Variants in OIT3 observed in about 807,000 individuals in gnomAD.
The protein encoded by OIT3 is oncoprotein-induced transcript 3 protein.
A neutral mutation model predicts 52.2 loss-of-function variants in OIT3; 41 were observed. That is an observed-to-expected ratio of 0.79 (90% CI 0.61 to 1.02). The LOEUF is 1.02. OIT3 is among the 50% of genes least tolerant of loss of function. OIT3 has a pLI of 0.00. For synonymous variants in OIT3, 244 were observed against 276.9 expected, an observed-to-expected ratio of 0.88 and a Z score of 1.18; for missense variants, 634 against 715.5, an observed-to-expected ratio of 0.89 and a Z score of 1.30.
At chr10:72,914,470 C>A (rs1036893585) in intron 6 of OIT3, among the ~76,000 whole-genome samples, 2 of 152,146 alleles carry the variant, frequency 1.3e-5, no homozygotes, top group Non-Finnish European at 2.9e-5. Flanking sequence ...AAAGCTGATT[C>A]GACTTGCAGT....
intron 6 of OIT3, among the ~76,000 whole-genome samples, chr10:72,917,228 C>G (rs1220418052): frequency 6.6e-6 from 1 of 152,064 alleles, no homozygotes; most frequent in Non-Finnish European, 1.5e-5. Flanking sequence ...ATCATGAAAT[C>G]TTTGCTTGTG....
chr10:72,928,587 C>G (rs965919140), intron 7 of OIT3, among the ~76,000 whole-genome samples: 4 of 152,154 alleles, frequency 2.6e-5, no homozygotes, highest in African/African-American at 9.7e-5. Context: ...TCTTAAGATA[C>G]TGGACTGTAA....
chr10:72,899,049 T>C lies in OIT3; in HGVS notation c.436+11T>C, dbSNP rs1845903500. 1 of 1,579,744 alleles carries C rather than the reference T, an allele frequency of 6.3e-7. No homozygotes were observed. Among genetic ancestry groups the C allele is most frequent in the Non-Finnish European group, 8.6e-7 (1 of 1,159,738 alleles). On this transcript the variant is annotated intron_variant, in intron 2 of 8. Transcript: ENST00000334011. ...ACGTCTACTGTGGTCGTGAGTACCT[T>C]CCCTGTGCTCTTTTTCTCCACCAAC...
intron 4 of OIT3, among the ~76,000 whole-genome samples, chr10:72,911,501 C>A (rs1846027584): frequency 6.6e-6 from 1 of 152,108 alleles, no homozygotes; most frequent in African/African-American, 2.4e-5. Context: ...AATTCCTCAC[C>A]AGCTTAATTG....
chr10:72,895,558 AG>A (rs1437225915), intron 1 of OIT3, among the ~76,000 whole-genome samples: 2 of 152,120 alleles, frequency 1.3e-5, no homozygotes, highest in East Asian at 1.9e-4. Context: ...ATGAGGGAGG[AG>A]GATGGAAGAG....
intron 6 of OIT3, among the ~76,000 whole-genome samples, chr10:72,916,976 CTTTT>C (rs1416991324): frequency 2.0e-5 from 3 of 152,000 alleles, no homozygotes; most frequent in African/African-American, 7.3e-5. Context: ...TGTATGTCTT[CTTTT>C]GAGACGTGTC....
At chr10:72,924,203 C>T (rs1846146697) in intron 6 of OIT3, 26 bp from the exon 7 acceptor site, 1 of 1,548,386 alleles carries the variant, frequency 6.5e-7, no homozygotes, top group East Asian at 2.3e-5. Flanking sequence ...CAATCTCTTT[C>T]CTCTCCTCAC....
At chr10:72,905,296 T>A (rs1342554124) in intron 3 of OIT3, among the ~76,000 whole-genome samples, 1 of 151,826 alleles carries the variant, frequency 6.6e-6, no homozygotes, top group Non-Finnish European at 1.5e-5. Flanking sequence ...CATGGTGAAA[T>A]CCTGTCTCTA....
chr10:72,896,402 A>C (rs1845875583), intron 1 of OIT3, among the ~76,000 whole-genome samples: 1 of 152,228 alleles, frequency 6.6e-6, no homozygotes, highest in Non-Finnish European at 1.5e-5. Flanking sequence ...TGGGAGAAAG[A>C]ATCTGAGGAT....
chr10:72,899,703 T>TGATAGATAGATA (rs373777568), intron 2 of OIT3, among the ~76,000 whole-genome samples: 37 of 144,956 alleles, frequency 2.6e-4, no homozygotes, highest in East Asian at 1.2e-3. Context: ...GATAGATAGA[T>TGATAGATAGATA]GATAGATAGA....
chr10:72,896,064 A>C (rs1845873253), intron 1 of OIT3, among the ~76,000 whole-genome samples: 1 of 152,170 alleles, frequency 6.6e-6, no homozygotes, highest in African/African-American at 2.4e-5. Context: ...TAGTTATAGA[A>C]GATGGTAGAT....
chr10:72,896,182 A>G (rs944927365), intron 1 of OIT3, among the ~76,000 whole-genome samples: 7 of 152,296 alleles, frequency 4.6e-5, no homozygotes, highest in Admixed American at 4.6e-4. Flanking sequence ...CTTTATAAAT[A>G]AGGAAATAGT....
intron 6 of OIT3, among the ~76,000 whole-genome samples, chr10:72,915,035 T>G (rs1480546044): frequency 6.6e-6 from 1 of 152,096 alleles, no homozygotes; most frequent in East Asian, 1.9e-4. Context: ...CTGGCTAATT[T>G]TTGTATCTTT....
intron 6 of OIT3, among the ~76,000 whole-genome samples, chr10:72,919,815 A>G (rs1033764205): frequency 2.6e-5 from 4 of 152,160 alleles, no homozygotes; most frequent in African/African-American, 4.8e-5. Context: ...ATCGTGGTGA[A>G]TAAGATTTTT....
At chr10:72,900,603 T>G in intron 3 of OIT3, 119 bp downstream of exon 3, 1 of 627,410 alleles carries the variant, frequency 1.6e-6, no homozygotes, top group East Asian at 2.8e-5. Flanking sequence ...CTTGGAATGG[T>G]GTTTGCTTTT....
chr10:72,899,536 G>A (rs759202581), intron 2 of OIT3, among the ~76,000 whole-genome samples: 2 of 151,380 alleles, frequency 1.3e-5, no homozygotes, highest in African/African-American at 2.4e-5. Context: ...TGGACGTTGC[G>A]GTGAGGCGAA....
chr10:72,915,139 T>C (rs1420099972), intron 6 of OIT3, among the ~76,000 whole-genome samples: 1 of 152,214 alleles, frequency 6.6e-6, no homozygotes, highest in Non-Finnish European at 1.5e-5. Context: ...GTGCTGGGAT[T>C]ATAGGTGTAA....
At chr10:72,920,259 G>A (rs986008237) in intron 6 of OIT3, among the ~76,000 whole-genome samples, 7 of 152,172 alleles carry the variant, frequency 4.6e-5, no homozygotes, top group Admixed American at 2.0e-4. Context: ...TTGTATTTCT[G>A]TGGGGCCAGG....
At chr10:72,906,881 G>C (rs1845985511) in intron 4 of OIT3, among the ~76,000 whole-genome samples, 163 bp downstream of exon 4, 1 of 152,194 alleles carries the variant, frequency 6.6e-6, no homozygotes, top group African/African-American at 2.4e-5. Flanking sequence ...CTCACGCTAT[G>C]GACAGAATTC....
Sources: gnomAD v4.1 joint callset for allele counts (sites outside exome capture counted in the v4.1 genomes callset) on GRCh38, gnomAD v4.1.1 for gene constraint, MANE v1.5 for transcripts, NCBI Gene and HGNC (gene_info 2026-07-23, HGNC 2026-07-21) for gene names.